CPNE8: variants seen among roughly 807,000 people sequenced by gnomAD.
CPNE8 encodes copine-8.
In CPNE8, 45 loss-of-function variants were observed where a neutral mutation model predicts 81.5. The ratio of observed to expected loss-of-function variants is 0.55; its 90% CI spans 0.44 to 0.71. The LOEUF (loss-of-function observed/expected upper bound fraction) is 0.71. CPNE8 is among the 30% of genes least tolerant of loss of function. The probability of loss-of-function intolerance (pLI) is 0.00; values close to 1 mark genes in which losing one functional copy is unlikely to be tolerated. For missense variants in CPNE8, 594 were observed against 672.1 expected (o/e 0.88, Z 1.28); for synonymous variants, 252 against 226.3 (o/e 1.11, Z -1.02).
Position 38,688,821 on chromosome 12 carries a change from G to A in CPNE8, c.1144-3204C>T, listed in dbSNP as rs1229007780. ...TGATATAATGGACTTGGAGACTGGC[G>A]GGGAAAGGTGGGAGGAAGGTGAAGG... On this transcript the variant is annotated intron_variant, in intron 15 of 19. Transcript: ENST00000331366. 3.3e-5 allele frequency among the ~76,000 whole-genome samples: 5 copies of A among 152,042 alleles called. No individual in the cohort carries two copies. In the East Asian group the frequency reaches 9.6e-4, roughly 29 times the overall value.
intron 3 of CPNE8, among the ~76,000 whole-genome samples, chr12:38,867,060 T>C (rs1943924653): frequency 6.6e-6 from 1 of 152,090 alleles, no homozygotes; most frequent in Non-Finnish European, 1.5e-5. Flanking sequence ...GGTTTCACCA[T>C]GTTGGCCAGG....
chr12:38,795,439 C>G (rs1342155744), intron 6 of CPNE8, among the ~76,000 whole-genome samples: 1 of 152,130 alleles, frequency 6.6e-6, no homozygotes, highest in African/African-American at 2.4e-5. Context: ...TTAATAGCGG[C>G]ACTATTCACA....
chr12:38,790,196 G>A (rs776770105), intron 6 of CPNE8, among the ~76,000 whole-genome samples: 32 of 151,572 alleles, frequency 2.1e-4, no homozygotes, highest in Non-Finnish European at 3.7e-4. Context: ...GTCAAGATTG[G>A]AAAACCACGT....
Position 38,715,714 on chromosome 12 carries a change from T to A in CPNE8, c.914+8058A>T, listed in dbSNP as rs116436802. On this transcript the variant is annotated intron_variant, in intron 13 of 19. Coordinates refer to ENST00000331366, the MANE Select transcript of CPNE8 (RefSeq NM_153634.3). ...CTGAATGGAGAAAAGTTGAAAGCAT[T>A]CCCCCTGAGAATTGGATCAAGACAA... Among the ~76,000 whole-genome samples, 560 of 152,076 alleles carry A rather than the reference T, an allele frequency of 3.7e-3. 3 individuals are homozygous for A. The highest frequency in any genetic ancestry group is 0.012 in the African/African-American group (479 of 41,486).
intron 6 of CPNE8, among the ~76,000 whole-genome samples, chr12:38,797,569 C>A (rs1329488014): frequency 2.0e-5 from 3 of 152,004 alleles, no homozygotes; most frequent in South Asian, 4.1e-4. Flanking sequence ...CATCAAAGAC[C>A]AAAAGTAGAT....
At chr12:38,656,358 T>A (rs1348075473) in intron 19 of CPNE8, among the ~76,000 whole-genome samples, 2 of 151,752 alleles carry the variant, frequency 1.3e-5, no homozygotes, top group African/African-American at 2.4e-5. Context: ...TTTTCTTTGT[T>A]TTTGAAAATG....
At chr12:38,895,900 C>T (rs962218697) in intron 1 of CPNE8, among the ~76,000 whole-genome samples, 8 of 152,110 alleles carry the variant, frequency 5.3e-5, no homozygotes, top group Non-Finnish European at 7.4e-5. Flanking sequence ...AGGAACTCAA[C>T]TTTGCCACTT....
At position 38,833,773 on chromosome 12, in the gene CPNE8, C is replaced by T. The variant is rs578176857; in HGVS notation, c.331-4318G>A. Reference sequence around the variant, plus strand: ...GATTACAGGTATGAGCCACCGCACCCGGCCACCAATTTTTAAAAATTATCA... The same window carrying T: ...GATTACAGGTATGAGCCACCGCACCTGGCCACCAATTTTTAAAAATTATCA... On this transcript the variant is annotated intron_variant, in intron 5 of 19. Coordinates refer to ENST00000331366, the MANE Select transcript of CPNE8 (RefSeq NM_153634.3). Among the ~76,000 whole-genome samples the T allele has an allele frequency of 2.9e-4, 44 of 152,110 alleles. 1 individual carries two copies. The South Asian group carries it at 4.2e-3, about 14-fold the overall frequency.
At chr12:38,656,251 A>C (rs1307202914) in intron 19 of CPNE8, among the ~76,000 whole-genome samples, 1 of 152,036 alleles carries the variant, frequency 6.6e-6, no homozygotes, top group East Asian at 1.9e-4. Flanking sequence ...TTATTCTAGA[A>C]GGTATAATGC....
chr12:38,730,329 C>T lies in CPNE8; in HGVS notation c.752G>A (p.Ser251Asn). Reference protein sequence around the residue: ...SHDFIGEFTTSYRELSRGQSQ... With the variant: ...SHDFIGEFTTNYRELSRGQSQ... ...CTGCCCTCTAGAAAGTTCCCTATAGCTTGTTGTAAATTCTCCAATGAAATC... is the reference window on the plus strand; with the variant it reads ...CTGCCCTCTAGAAAGTTCCCTATAGTTTGTTGTAAATTCTCCAATGAAATC... Residue 251 changes from serine to asparagine, a missense_variant, in exon 11 of 20, where the codon AGC (serine) becomes AAC (asparagine). Transcript: ENST00000331366. The T allele has an allele frequency of 1.3e-6, 2 of 1,594,666 alleles. No homozygotes were observed. Among genetic ancestry groups the T allele is most frequent in the South Asian group, 1.1e-5 (1 of 90,014 alleles).
intron 3 of CPNE8, among the ~76,000 whole-genome samples, chr12:38,867,658 A>C (rs1166537670): frequency 6.6e-6 from 1 of 152,222 alleles, no homozygotes; most frequent in Non-Finnish European, 1.5e-5. Context: ...GGATAACTAA[A>C]ATCTAACTTC....
chr12:38,790,166 T>C (rs1275707539), intron 6 of CPNE8, among the ~76,000 whole-genome samples: 1 of 151,708 alleles, frequency 6.6e-6, no homozygotes, highest in Non-Finnish European at 1.5e-5. Context: ...CCCATGTTTG[T>C]TGCAGCACTG....
chr12:38,904,028 C>G (rs377448259), intron 1 of CPNE8, among the ~76,000 whole-genome samples: 1 of 152,076 alleles, frequency 6.6e-6, no homozygotes, highest in African/African-American at 2.4e-5. Context: ...TGCTGGTGCT[C>G]GAATTTTCAC....
At chr12:38,837,116 G>C (rs1943394841) in intron 5 of CPNE8, among the ~76,000 whole-genome samples, 1 of 152,028 alleles carries the variant, frequency 6.6e-6, no homozygotes, top group Admixed American at 6.6e-5. Context: ...CAATATATCG[G>C]TAGAAAAGTA....
At chr12:38,734,621 C>T (rs967994145) in intron 10 of CPNE8, among the ~76,000 whole-genome samples, 1 of 151,992 alleles carries the variant, frequency 6.6e-6, no homozygotes, top group African/African-American at 2.4e-5. Context: ...TGTCTTGAGT[C>T]AGTCAGTCAA....
At chr12:38,790,460 C>T (rs1441295949) in intron 6 of CPNE8, among the ~76,000 whole-genome samples, 1 of 151,428 alleles carries the variant, frequency 6.6e-6, no homozygotes, top group East Asian at 1.9e-4. Flanking sequence ...GTAGTAGGTG[C>T]TTGGGGTAAT....
chr12:38,798,063 C>T (rs1201375195), intron 6 of CPNE8, among the ~76,000 whole-genome samples: 1 of 152,128 alleles, frequency 6.6e-6, no homozygotes, highest in Admixed American at 6.5e-5. Flanking sequence ...AAGACCAAAT[C>T]TACGTCTCAT....
intron 6 of CPNE8, among the ~76,000 whole-genome samples, chr12:38,798,598 C>T (rs778241194): frequency 2.0e-5 from 3 of 151,766 alleles, no homozygotes; most frequent in Non-Finnish European, 4.4e-5. Context: ...AAAAACATGC[C>T]AAATTGTAAA....
intron 7 of CPNE8, among the ~76,000 whole-genome samples, chr12:38,775,097 T>C (rs1488181883): frequency 6.6e-6 from 1 of 152,106 alleles, no homozygotes. Flanking sequence ...TATCTATCTA[T>C]TGATCATCTA....
Sources: gnomAD v4.1 joint callset for allele counts (sites outside exome capture counted in the v4.1 genomes callset) on GRCh38, gnomAD v4.1.1 for gene constraint, MANE v1.5 for transcripts, NCBI Gene and HGNC (gene_info 2026-07-23, HGNC 2026-07-21) for gene names.